The following BRAF variants were observed in gnomAD, a reference collection of about 807,000 sequenced individuals.
BRAF encodes B-Raf proto-oncogene, serine/threonine kinase.
In BRAF, 16 loss-of-function variants were observed where a neutral mutation model predicts 104.6. That is an observed-to-expected ratio of 0.15 (90% CI 0.10 to 0.23). The LOEUF is 0.23. BRAF is among the 10% of genes least tolerant of loss of function. The probability of loss-of-function intolerance (pLI) is 1.00; values close to 1 mark genes in which losing one functional copy is unlikely to be tolerated. For synonymous variants in BRAF, 310 were observed against 341.6 expected, an observed-to-expected ratio of 0.91 and a Z score of 1.02; for missense variants, 541 against 937.3, an observed-to-expected ratio of 0.58 and a Z score of 5.52.
chr7:140,903,353 A>G (rs1413594710), intron 1 of BRAF, among the ~76,000 whole-genome samples: 2 of 152,230 alleles, frequency 1.3e-5, no homozygotes, highest in Non-Finnish European at 2.9e-5. Context: ...TGTGCTCTGT[A>G]AATGGAACAA....
intron 19 of BRAF, 107 bp downstream of exon 18, chr7:140,730,558 G>C (rs1585915060): frequency 6.6e-6 from 1 of 152,132 alleles, no homozygotes; most frequent in East Asian, 1.9e-4. Context: ...GTAGAGACAG[G>C]GTTTTGCCAT....
intron 1 of BRAF, among the ~76,000 whole-genome samples, chr7:140,897,493 CTTTTT>C (rs1177553423): frequency 9.5e-6 from 1 of 105,760 alleles, no homozygotes. Flanking sequence ...TTTCTTTTTT[CTTTTT>C]TTTTTTTTTT....
In BRAF at chr7:140,810,965, A is replaced by G. The variant is rs117986418; in HGVS notation, c.505-1970T>C. On this transcript the variant is annotated intron_variant, in intron 3 of 19. Transcript: ENST00000644969. ...TGTTGATGATTCTTCTGTTTAAAAT[A>G]ATCCCTAAGCATAGTGCTCACGTGC... Among the ~76,000 whole-genome samples the G allele has an allele frequency of 4.9e-4, 75 of 152,322 alleles. 1 individual carries two copies. The East Asian group carries it at 0.013, about 27-fold the overall frequency.
chr7:140,885,103 G>C (rs559302817), intron 1 of BRAF, among the ~76,000 whole-genome samples: 1 of 152,204 alleles, frequency 6.6e-6, no homozygotes, highest in African/African-American at 2.4e-5. Context: ...CCAGGTTCAA[G>C]CGATTCTCCC....
chr7:140,847,851 C>T (rs1020914413), intron 2 of BRAF, among the ~76,000 whole-genome samples: 2 of 152,020 alleles, frequency 1.3e-5, no homozygotes, highest in African/African-American at 2.4e-5. Context: ...CATGGCTCAT[C>T]GTAATTATTA....
chr7:140,793,985 T>A (rs1802269135), intron 8 of BRAF, among the ~76,000 whole-genome samples: 1 of 152,328 alleles, frequency 6.6e-6, no homozygotes, highest in East Asian at 1.9e-4. Context: ...TTTATAAAAG[T>A]TTTAAAGAAC....
At chr7:140,886,868 T>C (rs901881390) in intron 1 of BRAF, among the ~76,000 whole-genome samples, 7 of 152,218 alleles carry the variant, frequency 4.6e-5, no homozygotes, top group Admixed American at 2.0e-4. Flanking sequence ...GTAGTTTTTA[T>C]TGTTATAAAT....
intron 1 of BRAF, among the ~76,000 whole-genome samples, chr7:140,918,615 T>A (rs1233236401): frequency 6.6e-6 from 1 of 152,208 alleles, no homozygotes; most frequent in African/African-American, 2.4e-5. Flanking sequence ...TTTTTCAAAC[T>A]GCCTGTTGCA....
At chr7:140,922,804 C>T (rs1285528954) in intron 1 of BRAF, among the ~76,000 whole-genome samples, 3 of 151,856 alleles carry the variant, frequency 2.0e-5, no homozygotes, top group Admixed American at 6.6e-5. Context: ...TAAGAAGGAA[C>T]GTGGAGGTGT....
At chr7:140,867,288 G>T (rs184828930) in intron 1 of BRAF, among the ~76,000 whole-genome samples, 251 of 152,250 alleles carry the variant, frequency 1.6e-3, no homozygotes, top group Non-Finnish European at 3.2e-3. Context: ...AGAAGTAGAA[G>T]AAATATTCCA....
At chr7:140,714,269 G>A in the BRAF span, among the ~76,000 whole-genome samples, 1 of 152,222 alleles carries the variant, frequency 6.6e-6, no homozygotes, top group Non-Finnish European at 1.5e-5. Context: ...CCAGAGGAAT[G>A]GGTGAAGCAG....
intron 3 of BRAF, among the ~76,000 whole-genome samples, chr7:140,816,770 C>CA (rs1389918232): frequency 1.3e-5 from 2 of 152,112 alleles, no homozygotes; most frequent in Non-Finnish European, 1.5e-5. Flanking sequence ...GAACTAAAAA[C>CA]AACTCAAAGA....
chr7:140,825,564 G>C (rs1307983440), intron 3 of BRAF, among the ~76,000 whole-genome samples: 1 of 152,084 alleles, frequency 6.6e-6, no homozygotes, highest in Non-Finnish European at 1.5e-5. Context: ...CATTCCTTCT[G>C]TGTTCAATTT....
chr7:140,793,907 T>A (rs747861864), intron 8 of BRAF, among the ~76,000 whole-genome samples: 2 of 152,248 alleles, frequency 1.3e-5, no homozygotes, highest in Non-Finnish European at 2.9e-5. Flanking sequence ...ATTACAGGCA[T>A]GAGCCACTAT....
At chr7:140,719,137 T>C (rs924186129), downstream of BRAF, among the ~76,000 whole-genome samples, 1 of 152,204 alleles carries the variant, frequency 6.6e-6, no homozygotes, top group Non-Finnish European at 1.5e-5. Flanking sequence ...CACTGCAAGT[T>C]GTATAGCACG....
At chr7:140,866,765 T>C (rs1811011469) in intron 1 of BRAF, among the ~76,000 whole-genome samples, 1 of 152,060 alleles carries the variant, frequency 6.6e-6, no homozygotes. Context: ...TGAATTATCT[T>C]CTCTCCATGC....
intron 1 of BRAF, among the ~76,000 whole-genome samples, chr7:140,884,331 A>C (rs2129106935): frequency 6.6e-6 from 1 of 151,826 alleles, no homozygotes; most frequent in Non-Finnish European, 1.5e-5. Flanking sequence ...CAGAGACATA[A>C]GATATCTTTT....
At chr7:140,718,185 C>T (rs1374275162), downstream of BRAF, among the ~76,000 whole-genome samples, 1 of 152,142 alleles carries the variant, frequency 6.6e-6, no homozygotes. Context: ...ACCTCCGCCT[C>T]CCAGGTTCAA....
intron 18 of BRAF, 77 bp downstream of exon 17, chr7:140,739,735 T>A (rs2130897755): frequency 6.5e-7 from 1 of 1,543,622 alleles, no homozygotes; most frequent in African/African-American, 1.4e-5. Context: ...ATACACACTG[T>A]GTGCCCAAAA....
Sources: allele counts gnomAD v4.1 joint callset (sites outside exome capture counted in the v4.1 genomes callset), GRCh38; gene constraint gnomAD v4.1.1; transcripts MANE v1.5; gene names NCBI Gene and HGNC (gene_info 2026-07-23, HGNC 2026-07-21).